The following ZMYND12 variants were observed in gnomAD, a reference collection of about 807,000 sequenced individuals.
ZMYND12 encodes the protein zinc finger MYND-type containing 12.
Under a neutral mutation model 41.7 loss-of-function variants are expected in ZMYND12, and 32 were observed. That is an observed-to-expected ratio of 0.77 (90% CI 0.58 to 1.03). The LOEUF is 1.03. Ranked by LOEUF, ZMYND12 falls within the 50% of genes least tolerant of loss-of-function variation. The pLI is 0.00. For synonymous variants in ZMYND12, 148 were observed against 164.8 expected, an observed-to-expected ratio of 0.90 and a Z score of 0.78; for missense variants, 424 against 438.5, an observed-to-expected ratio of 0.97 and a Z score of 0.30.
At chr1:42,454,917 C>G (rs1008685605) in intron 1 of ZMYND12, among the ~76,000 whole-genome samples, 3 of 152,094 alleles carry the variant, frequency 2.0e-5, no homozygotes, top group Non-Finnish European at 4.4e-5. Flanking sequence ...TGTACACACA[C>G]ACATGTCCAC....
chr1:42,454,700 C>T (rs1643128733), intron 1 of ZMYND12, among the ~76,000 whole-genome samples: 1 of 137,672 alleles, frequency 7.3e-6, no homozygotes, highest in Non-Finnish European at 1.6e-5. Flanking sequence ...CAATGATGTT[C>T]CAACTTTTTT....
chr1:42,432,615 G>C (rs189091710), intron 7 of ZMYND12, among the ~76,000 whole-genome samples: 2 of 152,162 alleles, frequency 1.3e-5, no homozygotes, highest in East Asian at 3.9e-4. Context: ...GCAAAGAATT[G>C]ACCCTCTCGG....
At chr1:42,437,530 T>A (rs976284721) in intron 4 of ZMYND12, among the ~76,000 whole-genome samples, 1 of 150,992 alleles carries the variant, frequency 6.6e-6, no homozygotes, top group East Asian at 1.9e-4. Flanking sequence ...TTTTTTTTTT[T>A]AAAGACAGAG....
rs141065065 is a variant in ZMYND12 at position 42,453,743 on chromosome 1, A to G, written c.110+2145T>C. Among the ~76,000 whole-genome samples the G allele has an allele frequency of 2.6e-4, 40 of 152,330 alleles. No individual in the cohort carries two copies. The East Asian group carries it at 6.2e-3, about 24-fold the overall frequency. On this transcript the variant is annotated intron_variant, in intron 1 of 7. Coordinates refer to ENST00000372565, the MANE Select transcript of ZMYND12 (RefSeq NM_032257.5). ...TTTTACCCACGGCGGTTTACTGGCC[A>G]TCTCTCTGGGGGTGACCCAAAGGCC... is the stretch of plus-strand genomic sequence containing the variant.
intron 2 of ZMYND12, among the ~76,000 whole-genome samples, chr1:42,449,674 T>C (rs1440237350): frequency 6.6e-6 from 1 of 152,186 alleles, no homozygotes; most frequent in Non-Finnish European, 1.5e-5. Context: ...GAAATAAATG[T>C]ATGCTGTTTG....
At position 42,430,813 on chromosome 1, in the gene ZMYND12, G is replaced by A; in HGVS notation, c.1021C>T (p.Gln341Ter). Residue 341 changes from glutamine to a stop codon, truncating the protein, a stop_gained, in exon 8 of 8, where the codon CAG becomes TAG. Coordinates refer to ENST00000372565, the MANE Select transcript of ZMYND12 (RefSeq NM_032257.5). LOFTEE classifies it low-confidence loss of function (END_TRUNC). ...MRALSLAKEQ[Q>*]LDVHEQSTIQ... ...GTGCTTTGCTCATGGACATCAAGCT[G>A]TTGTTCTTTGGCTAGACTGAGGGCC... 6.2e-7 allele frequency: 1 copy of A among 1,614,192 alleles called. No homozygotes were observed. The highest frequency in any genetic ancestry group is 8.5e-7 in the Non-Finnish European group (1 of 1,180,028).
Position 42,436,541 on chromosome 1 carries a change from A to C in ZMYND12, c.597T>G (p.Ile199Met). ...TTCCAAATGCACAACTGGCAAAATA[A>C]ATCTATAGCAGAAGGAAGAAGGAGA... is the stretch of plus-strand genomic sequence containing the variant. The part of the protein sequence containing the change: ...EEARYHLAND[I>M]YFASCAFGTE... The change falls in exon 5 of 8, where the codon ATT becomes ATG. Residue 199 changes from isoleucine (I) to methionine (M), a missense_variant and splice_region_variant. Transcript: ENST00000372565. 6.2e-7 allele frequency: 1 copy of C among 1,612,790 alleles called. No individual in the cohort carries two copies.
At chr1:42,437,465 TGTGTG>T (rs1320726991) in intron 4 of ZMYND12, among the ~76,000 whole-genome samples, 3 of 151,552 alleles carry the variant, frequency 2.0e-5, no homozygotes, top group Non-Finnish European at 4.4e-5. Flanking sequence ...TGTGTGTGTG[TGTGTG>T]TGTGTGTGTT....
In ZMYND12 at chr1:42,455,963, C is replaced by T. The variant is rs768081300; in HGVS notation, c.35G>A (p.Gly12Glu). The change falls in exon 1 of 8, where the codon GGG becomes GAG. Residue 12 changes from glycine (G) to glutamate (E), a missense_variant. Coordinates refer to ENST00000372565, the MANE Select transcript of ZMYND12 (RefSeq NM_032257.5). ...NVIYPLAVPK[G>E]RRLCCEVCEA... ...GCACACCTCACAGCAGAGTCTGCGC[C>T]CCTTGGGGACTGCCAGTGGGTAGAT... is the stretch of plus-strand genomic sequence containing the variant. 4.3e-6 allele frequency: 7 copies of T among 1,613,524 alleles called. No individual in the cohort carries two copies. Among genetic ancestry groups the T allele is most frequent in the South Asian group, 1.1e-5 (1 of 91,068 alleles).
intron 2 of ZMYND12, among the ~76,000 whole-genome samples, chr1:42,449,196 T>C (rs924531902): frequency 8.5e-5 from 13 of 152,210 alleles, no homozygotes; most frequent in African/African-American, 3.1e-4. Context: ...ATTGAGATGC[T>C]CAATACTCAA....
At chr1:42,449,476 T>C (rs1643059944) in intron 2 of ZMYND12, among the ~76,000 whole-genome samples, 1 of 152,128 alleles carries the variant, frequency 6.6e-6, no homozygotes, top group Admixed American at 6.5e-5. Context: ...CCTAACCTAA[T>C]CTGACTTGTG....
chr1:42,444,439 C>G (rs577908410), intron 3 of ZMYND12, among the ~76,000 whole-genome samples: 173 of 152,314 alleles, frequency 1.1e-3, no homozygotes, highest in Non-Finnish European at 2.2e-3. Flanking sequence ...AGGTTTTAAA[C>G]CAATGACTGT....
intron 5 of ZMYND12, 195 bp from the exon 6 acceptor site, chr1:42,435,580 G>A: frequency 2.0e-6 from 1 of 512,760 alleles, no homozygotes; most frequent in Non-Finnish European, 3.5e-6. Flanking sequence ...GTGATGGGCT[G>A]AAAAGGGCCT....
chr1:42,442,651 G>T (rs1642983371), intron 3 of ZMYND12, among the ~76,000 whole-genome samples: 1 of 152,094 alleles, frequency 6.6e-6, no homozygotes. Flanking sequence ...ATCAACAAAG[G>T]GTTAAGAGGT....
chr1:42,444,126 G>A (rs1250144729), intron 3 of ZMYND12, among the ~76,000 whole-genome samples: 1 of 152,140 alleles, frequency 6.6e-6, no homozygotes, highest in Admixed American at 6.5e-5. Flanking sequence ...ACTTCCCGAA[G>A]TGCTGAAATT....
chr1:42,449,886 G>T (rs748250690), intron 2 of ZMYND12, 32 bp downstream of exon 2: 4 of 1,604,928 alleles, frequency 2.5e-6, no homozygotes, highest in Non-Finnish European at 3.4e-6. Flanking sequence ...CCGCACCTAC[G>T]ACTTAACCTT....
At chr1:42,431,792 G>A (rs1642856570) in intron 7 of ZMYND12, among the ~76,000 whole-genome samples, 1 of 152,164 alleles carries the variant, frequency 6.6e-6, no homozygotes, top group Non-Finnish European at 1.5e-5. Context: ...CCCAGGTAGG[G>A]TTAGTGCCCT....
chr1:42,452,235 C>T (rs1643090419), intron 1 of ZMYND12, among the ~76,000 whole-genome samples: 1 of 151,942 alleles, frequency 6.6e-6, no homozygotes, highest in Non-Finnish European at 1.5e-5. Context: ...ATTTAAATGC[C>T]GTCACTGGCC....
At position 42,439,262 on chromosome 1, in the gene ZMYND12, T is replaced by C. The variant is rs570341809; in HGVS notation, c.594+594A>G. Reference sequence around the variant, plus strand: ...TCTGTGACTAGAAGCAAAGCCCTTCTCTCTCTCTCTTTTTTTTTTTTTGAG... The same window carrying C: ...TCTGTGACTAGAAGCAAAGCCCTTCCCTCTCTCTCTTTTTTTTTTTTTGAG... On this transcript the variant is annotated intron_variant, in intron 4 of 7. Transcript: ENST00000372565. 1.5e-3 allele frequency among the ~76,000 whole-genome samples: 195 copies of C among 134,434 alleles called. 1 individual carries two copies. Among genetic ancestry groups the C allele is most frequent in the African/African-American group, 5.4e-3 (191 of 35,396 alleles). The allele number at this position is 134,434 out of a possible 152,430, so 88.2% of individuals were successfully genotyped here. A position where few individuals can be genotyped will look rare whatever the true frequency, so the allele number is the denominator to read the frequency against.
Sources: gnomAD v4.1 joint callset for allele counts (sites outside exome capture counted in the v4.1 genomes callset) on GRCh38, gnomAD v4.1.1 for gene constraint, MANE v1.5 for transcripts, NCBI Gene and HGNC (gene_info 2026-07-23, HGNC 2026-07-21) for gene names.